The following ARSG variants were observed in gnomAD, a reference collection of about 807,000 sequenced individuals.
ARSG encodes ASG.
ARSG carries 37 observed loss-of-function variants against 50.5 expected under a neutral mutation model. That is an observed-to-expected ratio of 0.73 (90% CI 0.56 to 0.96). The LOEUF is 0.96. Among genes scored for constraint, ARSG ranks in the 50% least tolerant of loss-of-function variants. The probability of loss-of-function intolerance (pLI) is 0.00; values close to 1 mark genes in which losing one functional copy is unlikely to be tolerated. For missense variants in ARSG, 629 were observed against 675.3 expected (o/e 0.93, Z 0.76); for synonymous variants, 225 against 254.6 (o/e 0.88, Z 1.11).
intron 1 of ARSG, among the ~76,000 whole-genome samples, chr17:68,292,890 C>G (rs1372407084): frequency 2.0e-5 from 3 of 152,126 alleles, no homozygotes; most frequent in Non-Finnish European, 4.4e-5. Context: ...AATTTAACCT[C>G]GTAGAGCGTT....
At chr17:68,357,458 T>TA (rs1242627614) in intron 6 of ARSG, among the ~76,000 whole-genome samples, 1 of 152,186 alleles carries the variant, frequency 6.6e-6, no homozygotes. Flanking sequence ...GGCTCCCACT[T>TA]ACGATAGCAC....
At chr17:68,350,403 A>G (rs1338049926) in intron 4 of ARSG, among the ~76,000 whole-genome samples, 1 of 152,208 alleles carries the variant, frequency 6.6e-6, no homozygotes. Flanking sequence ...AAGAGAGCTG[A>G]AGCAGTTACC....
chr17:68,358,656 T>G (rs1380290008), intron 6 of ARSG, among the ~76,000 whole-genome samples: 4 of 151,742 alleles, frequency 2.6e-5, no homozygotes, highest in Admixed American at 2.6e-4. Flanking sequence ...GCCACCGCAC[T>G]CCAGCCTGGG....
At chr17:68,430,067 C>T in the ARSG span, 3 of 1,614,196 alleles carry the variant, frequency 1.9e-6, no homozygotes, top group South Asian at 3.3e-5. Flanking sequence ...TGTCCTGATG[C>T]ATCATGTCTG....
At chr17:68,348,888 A>T (rs2078629555) in intron 4 of ARSG, among the ~76,000 whole-genome samples, 1 of 152,150 alleles carries the variant, frequency 6.6e-6, no homozygotes, top group Non-Finnish European at 1.5e-5. Flanking sequence ...GGCTCCTGCA[A>T]ACACAACGAG....
intron 9 of ARSG, among the ~76,000 whole-genome samples, chr17:68,386,077 C>G (rs1360495648): frequency 1.3e-5 from 2 of 152,198 alleles, no homozygotes; most frequent in East Asian, 3.8e-4. Context: ...ATTCTTATTG[C>G]CGCCTTAAGG....
chr17:68,362,243 CCT>C (rs1448760693), intron 6 of ARSG, among the ~76,000 whole-genome samples: 4 of 151,686 alleles, frequency 2.6e-5, no homozygotes, highest in Non-Finnish European at 5.9e-5. Context: ...CCTCATCTTG[CCT>C]CTCACCCGGC....
At chr17:68,389,724 T>A (rs1172119274) in intron 9 of ARSG, among the ~76,000 whole-genome samples, 4 of 151,898 alleles carry the variant, frequency 2.6e-5, no homozygotes, top group Admixed American at 1.3e-4. Flanking sequence ...CAAGCAAACC[T>A]CTCCTGCCTC....
intron 11 of ARSG, among the ~76,000 whole-genome samples, chr17:68,407,809 A>C (rs2147303900): frequency 6.6e-6 from 1 of 152,140 alleles, no homozygotes; most frequent in Admixed American, 6.5e-5. Flanking sequence ...AAACAGTGAG[A>C]GTTTGACTTC....
At chr17:68,270,405 T>C (rs1353738804) in intron 1 of ARSG, among the ~76,000 whole-genome samples, 2 of 151,914 alleles carry the variant, frequency 1.3e-5, no homozygotes, top group African/African-American at 4.8e-5. Flanking sequence ...AATACAAAAA[T>C]TAGCCAGGCG....
intron 8 of ARSG, among the ~76,000 whole-genome samples, chr17:68,379,480 T>C (rs1599968840): frequency 6.8e-6 from 1 of 147,616 alleles, no homozygotes; most frequent in East Asian, 2.0e-4. Context: ...GTCTTGCTTG[T>C]TGCCCAGGCT....
At chr17:68,421,444 T>C, downstream of ARSG, 1 of 319,104 alleles carries the variant, frequency 3.1e-6, no homozygotes, top group Middle Eastern at 9.9e-4. Context: ...TATAAGTACA[T>C]TTTTTACACG....
At chr17:68,320,740 G>C (rs1477637558) in intron 2 of ARSG, among the ~76,000 whole-genome samples, 1 of 152,160 alleles carries the variant, frequency 6.6e-6, no homozygotes, top group African/African-American at 2.4e-5. Flanking sequence ...GGATTTTCCA[G>C]CTTACCAGGA....
intron 1 of ARSG, among the ~76,000 whole-genome samples, chr17:68,277,202 G>A (rs1387960872): frequency 6.6e-6 from 1 of 151,890 alleles, no homozygotes; most frequent in African/African-American, 2.4e-5. Flanking sequence ...CATGATCTGG[G>A]CTTACTGCAA....
At chr17:68,289,234 G>A (rs113505395), upstream of ARSG, among the ~76,000 whole-genome samples, 1,025 of 152,222 alleles carry the variant, frequency 6.7e-3, 12 homozygotes, top group African/African-American at 0.023. Context: ...GGAGGTCGAG[G>A]CTGCAATGAG....
At chr17:68,275,700 G>C (rs1374199199) in intron 1 of ARSG, among the ~76,000 whole-genome samples, 1 of 152,052 alleles carries the variant, frequency 6.6e-6, no homozygotes, top group Non-Finnish European at 1.5e-5. Context: ...AAGTTATCTT[G>C]GCTGGGTGCG....
In ARSG at chr17:68,376,267, C is replaced by T. The variant is rs548585666; in HGVS notation, c.982+5743C>T. Among the ~76,000 whole-genome samples the T allele has an allele frequency of 3.2e-3, 463 of 143,758 alleles. 3 individuals are homozygous for T. Among genetic ancestry groups the T allele is most frequent in the Non-Finnish European group, 5.4e-3 (360 of 66,740 alleles). 94.3% of individuals were successfully genotyped at this position (143,758 alleles called of 152,430 possible). On this transcript the variant is annotated intron_variant, in intron 8 of 11. Coordinates refer to ENST00000621439, the MANE Select transcript of ARSG (RefSeq NM_001267727.2). ...CTTGGACTACAGGAGTGTGCCACTG[C>T]GCCCCCTGCATTTTTTTTTTTTTTT... is the stretch of plus-strand genomic sequence containing the variant.
chr17:68,421,630 G>T, downstream of ARSG: 1 of 1,167,836 alleles, frequency 8.6e-7, no homozygotes. Flanking sequence ...AGTTAACCAG[G>T]TCCTGTGGTT....
At chr17:68,393,448 C>A (rs544875754) in intron 9 of ARSG, among the ~76,000 whole-genome samples, 17 of 152,266 alleles carry the variant, frequency 1.1e-4, no homozygotes, top group African/African-American at 4.1e-4. Flanking sequence ...GCTTGTGTTC[C>A]AGTCACACTT....
Sources: allele counts gnomAD v4.1 joint callset (sites outside exome capture counted in the v4.1 genomes callset), GRCh38; gene constraint gnomAD v4.1.1; transcripts MANE v1.5; gene names NCBI Gene and HGNC (gene_info 2026-07-23, HGNC 2026-07-21).